The following BACH2 variants were observed in gnomAD, a reference collection of about 807,000 sequenced individuals.
BACH2 encodes the protein BACH transcriptional regulator 2, also known as transcription regulator protein BACH2.
A neutral mutation model predicts 61.8 loss-of-function variants in BACH2; 5 were observed. The ratio of observed to expected loss-of-function variants is 0.08; its 90% CI spans 0.04 to 0.17. BACH2 has a LOEUF of 0.17. Ranked by LOEUF, BACH2 falls within the 10% of genes least tolerant of loss-of-function variation. The pLI, the probability that BACH2 is intolerant of heterozygous loss-of-function variation, is 1.00. For missense variants in BACH2, 824 were observed against 1,091.1 expected (o/e 0.76, Z 3.45); for synonymous variants, 446 against 440.1 (o/e 1.01, Z -0.17).
chr6:90,013,963 T>C (rs1055343932), intron 5 of BACH2, among the ~76,000 whole-genome samples: 1 of 152,080 alleles, frequency 6.6e-6, no homozygotes, highest in Non-Finnish European at 1.5e-5. Flanking sequence ...TTATTTTTTT[T>C]TGTAGAGATG....
At chr6:90,056,958 G>T (rs1040017888) in intron 5 of BACH2, among the ~76,000 whole-genome samples, 181 of 152,278 alleles carry the variant, frequency 1.2e-3, no homozygotes, top group African/African-American at 3.8e-3. Flanking sequence ...GAATCGCTGG[G>T]ACACATTCAA....
chr6:90,288,674 T>A (rs928603105), intron 1 of BACH2, among the ~76,000 whole-genome samples: 2 of 152,212 alleles, frequency 1.3e-5, no homozygotes, highest in South Asian at 2.1e-4. Flanking sequence ...TCTGGCAAGA[T>A]AATCTCTTCC....
chr6:90,149,437 C>A (rs562121961), intron 4 of BACH2, among the ~76,000 whole-genome samples: 1 of 152,238 alleles, frequency 6.6e-6, no homozygotes, highest in South Asian at 2.1e-4. Context: ...TTCTTCCTAC[C>A]GTGCTACACA....
chr6:89,987,824 T>C (rs762267765), intron 6 of BACH2, among the ~76,000 whole-genome samples: 7 of 152,168 alleles, frequency 4.6e-5, no homozygotes, highest in Admixed American at 4.6e-4. Context: ...CCTCCAATCC[T>C]TGATGCTTCT....
At chr6:90,053,434 C>G (rs142668063) in intron 5 of BACH2, among the ~76,000 whole-genome samples, 1 of 152,176 alleles carries the variant, frequency 6.6e-6, no homozygotes, top group African/African-American at 2.4e-5. Flanking sequence ...TATACACCAC[C>G]CATTTGGCTA....
At chr6:90,103,946 T>G (rs1782788355) in intron 4 of BACH2, among the ~76,000 whole-genome samples, 1 of 152,230 alleles carries the variant, frequency 6.6e-6, no homozygotes, top group Admixed American at 6.5e-5. Flanking sequence ...TATTGTTCAC[T>G]TTTTGTAGAT....
At position 90,191,411 on chromosome 6, in the gene BACH2, C is replaced by T. The variant is rs560546099; in HGVS notation, c.-162+15158G>A. Among the ~76,000 whole-genome samples, 132 of 152,304 alleles carry T rather than the reference C, an allele frequency of 8.7e-4. 2 individuals are homozygous for T. The highest frequency in any genetic ancestry group is 2.8e-3 in the Admixed American group (43 of 15,298). On this transcript the variant is annotated intron_variant, in intron 4 of 8. Coordinates refer to ENST00000257749, the MANE Select transcript of BACH2 (RefSeq NM_021813.4). ...CAAATTTTCAACTACTGCATTCATC[C>T]GCACATTTGCAAATGGCTCATTCTT...
Position 89,932,392 on chromosome 6 carries a change from A to T in BACH2, c.*16T>A. 6.2e-7 allele frequency: 1 copy of T among 1,601,630 alleles called. No homozygotes were observed. Among genetic ancestry groups the T allele is most frequent in the Non-Finnish European group, 8.5e-7 (1 of 1,169,964 alleles). ...GGATGGGAGAGGTGTGCGGACTGGGAGGCAGAGCCGAGTCACTAGGTATAA... is the reference window on the plus strand; with the variant it reads ...GGATGGGAGAGGTGTGCGGACTGGGTGGCAGAGCCGAGTCACTAGGTATAA... On this transcript the variant is annotated 3_prime_UTR_variant, in exon 9 of 9. Transcript: ENST00000257749.
At chr6:90,241,671 G>C (rs1038144462) in intron 3 of BACH2, among the ~76,000 whole-genome samples, 3 of 152,182 alleles carry the variant, frequency 2.0e-5, no homozygotes, top group Non-Finnish European at 4.4e-5. Context: ...GCTAGGGAGA[G>C]GGACACCTGC....
intron 6 of BACH2, among the ~76,000 whole-genome samples, chr6:89,964,912 G>GTGA (rs980690530): frequency 2.0e-5 from 3 of 151,766 alleles, no homozygotes; most frequent in Non-Finnish European, 4.4e-5. Flanking sequence ...TTGAGATGGA[G>GTGA]TCTCACTCTG....
intron 1 of BACH2, among the ~76,000 whole-genome samples, chr6:90,295,973 A>G (rs1772353710): frequency 6.6e-6 from 1 of 152,010 alleles, no homozygotes; most frequent in East Asian, 2.0e-4. Flanking sequence ...GCAGCCCGGG[A>G]TGCGCACGCC....
intron 4 of BACH2, among the ~76,000 whole-genome samples, chr6:90,100,557 T>C (rs916792059): frequency 1.3e-5 from 2 of 152,174 alleles, no homozygotes; most frequent in Admixed American, 6.5e-5. Context: ...CTTTGGACTC[T>C]AACTGCAACA....
At chr6:90,121,897 T>C (rs1284950827) in intron 4 of BACH2, among the ~76,000 whole-genome samples, 1 of 152,186 alleles carries the variant, frequency 6.6e-6, no homozygotes, top group Non-Finnish European at 1.5e-5. Flanking sequence ...TTTTTACTCA[T>C]GTGTTGCTTA....
At chr6:90,228,848 G>A (rs1170804720) in intron 3 of BACH2, among the ~76,000 whole-genome samples, 4 of 152,184 alleles carry the variant, frequency 2.6e-5, no homozygotes, top group East Asian at 1.9e-4. Context: ...CAGACATGTC[G>A]CCAATATCAC....
In BACH2 at chr6:89,992,500, C is replaced by T. The variant is rs189641216; in HGVS notation, c.243+16102G>A. On this transcript the variant is annotated intron_variant, in intron 6 of 8. Coordinates refer to ENST00000257749, the MANE Select transcript of BACH2 (RefSeq NM_021813.4). ...TATTAAAAGTACAAAATTAGCTGGG[C>T]GTGGTGGCACATGCCTGTAATCCCA... 1.3e-3 allele frequency among the ~76,000 whole-genome samples: 198 copies of T among 152,240 alleles called. 1 individual carries two copies. Among genetic ancestry groups the T allele is most frequent in the Middle Eastern group, 3.4e-3 (1 of 294 alleles).
chr6:89,950,573 G>A lies in BACH2; in HGVS notation c.1533C>T (p.Pro511=). The A allele has an allele frequency of 1.9e-6, 3 of 1,611,536 alleles. No homozygotes were observed. The highest frequency in any genetic ancestry group is 2.5e-6 in the Non-Finnish European group (3 of 1,178,260). Residue 511 remains proline (P), a synonymous_variant, in exon 7 of 9, where the codon CCC becomes CCT. Coordinates refer to ENST00000257749, the MANE Select transcript of BACH2 (RefSeq NM_021813.4). The surrounding 1 kb of genome is among the most constrained non-coding windows in gnomAD (Gnocchi z 5.3). ...PVPIKVCPRS[P]PLETRTRTSS... ...AAGTCCTGGTCCTGGTCTCCAAGGG[G>A]GGTGAGCGAGGGCAGACTTTGATTG...
At chr6:90,178,864 T>C (rs1341088947) in intron 4 of BACH2, among the ~76,000 whole-genome samples, 2 of 152,160 alleles carry the variant, frequency 1.3e-5, no homozygotes, top group African/African-American at 4.8e-5. Flanking sequence ...CTGGGAGACA[T>C]GGCTGGACTC....
At chr6:90,276,828 A>G (rs1265443747) in intron 1 of BACH2, among the ~76,000 whole-genome samples, 1 of 152,168 alleles carries the variant, frequency 6.6e-6, no homozygotes, top group Non-Finnish European at 1.5e-5. Flanking sequence ...TCACCTGCTA[A>G]AAGTTCTCTT....
At chr6:90,148,219 C>A (rs1784688936) in intron 4 of BACH2, among the ~76,000 whole-genome samples, 1 of 152,128 alleles carries the variant, frequency 6.6e-6, no homozygotes, top group African/African-American at 2.4e-5. Context: ...GCCACATCCA[C>A]CCAAGTGAGG....
Sources: gnomAD v4.1 joint callset for allele counts (sites outside exome capture counted in the v4.1 genomes callset) on GRCh38, gnomAD v4.1.1 for gene constraint, Gnocchi (gnomAD v3.1) non-coding constraint, MANE v1.5 for transcripts, NCBI Gene and HGNC (gene_info 2026-07-23, HGNC 2026-07-21) for gene names.